Variants in SCAI observed in about 807,000 individuals in gnomAD.
SCAI encodes suppressor of cancer cell invasion.
SCAI carries 24 observed loss-of-function variants against 92.2 expected under a neutral mutation model. The observed-to-expected ratio is 0.26, with a 90% CI of 0.19 to 0.37. The LOEUF is 0.37. Among genes scored for constraint, SCAI ranks in the 10% least tolerant of loss-of-function variants. SCAI has a pLI of 1.00. For missense variants in SCAI, 450 were observed against 736.2 expected, an observed-to-expected ratio of 0.61 and a Z score of 4.50; for synonymous variants, 261 against 258.6, an observed-to-expected ratio of 1.01 and a Z score of -0.09.
intron 2 of SCAI, among the ~76,000 whole-genome samples, chr9:125,057,252 T>G (rs892018867): frequency 6.6e-6 from 1 of 151,982 alleles, no homozygotes; most frequent in Non-Finnish European, 1.5e-5. Flanking sequence ...AATATCAGAT[T>G]TGGGGTACTC....
intron 2 of SCAI, among the ~76,000 whole-genome samples, chr9:125,108,149 G>C (rs1834844445): frequency 6.6e-6 from 1 of 152,276 alleles, no homozygotes; most frequent in Non-Finnish European, 1.5e-5. Context: ...TGTTGCCCAG[G>C]CTGGAGTGCA....
intron 2 of SCAI, among the ~76,000 whole-genome samples, chr9:125,060,373 A>G (rs1338984543): frequency 6.6e-6 from 1 of 152,204 alleles, no homozygotes; most frequent in Non-Finnish European, 1.5e-5. Context: ...GTTTGTGGAG[A>G]TAATTCTCAG....
intron 12 of SCAI, among the ~76,000 whole-genome samples, chr9:125,001,236 G>A (rs1176126356): frequency 2.0e-5 from 3 of 152,220 alleles, no homozygotes; most frequent in African/African-American, 7.2e-5. Flanking sequence ...GCAAGGACAT[G>A]CATTTTATAA....
At chr9:125,138,744 T>A (rs1835601237) in intron 2 of SCAI, among the ~76,000 whole-genome samples, 1 of 152,116 alleles carries the variant, frequency 6.6e-6, no homozygotes, top group African/African-American at 2.4e-5. Context: ...AAATGGGGTT[T>A]CTCCATGTTG....
At chr9:124,959,491 CACATATATATACACATAT>C (rs1316111871) in intron 17 of SCAI, among the ~76,000 whole-genome samples, 1 of 147,866 alleles carries the variant, frequency 6.8e-6, no homozygotes, top group South Asian at 2.1e-4. Flanking sequence ...TATACACACA[CACATATATATACACATAT>C]ATATATATAC....
At chr9:125,131,528 C>G (rs1182821557) in intron 2 of SCAI, among the ~76,000 whole-genome samples, 1 of 152,098 alleles carries the variant, frequency 6.6e-6, no homozygotes, top group Non-Finnish European at 1.5e-5. Flanking sequence ...CCAGGAAGCC[C>G]TTGAATGAGT....
chr9:124,969,869 T>C (rs76989477), intron 17 of SCAI, among the ~76,000 whole-genome samples: 10 of 152,300 alleles, frequency 6.6e-5, no homozygotes, highest in East Asian at 1.9e-4. Flanking sequence ...TTTTTTTTTT[T>C]CCAAGACTGA....
chr9:125,036,899 G>A (rs1242934376), intron 3 of SCAI, among the ~76,000 whole-genome samples: 1 of 152,196 alleles, frequency 6.6e-6, no homozygotes, highest in Non-Finnish European at 1.5e-5. Flanking sequence ...GGCGGGAAGA[G>A]CACTTGAACC....
At chr9:125,002,755 AT>A (rs899611918) in intron 11 of SCAI, among the ~76,000 whole-genome samples, 4 of 151,922 alleles carry the variant, frequency 2.6e-5, no homozygotes, top group Non-Finnish European at 4.4e-5. Context: ...AAGTGCTGGG[AT>A]TACAGGAGTG....
At chr9:125,006,622 G>T (rs1832514138) in intron 9 of SCAI, among the ~76,000 whole-genome samples, 1 of 152,088 alleles carries the variant, frequency 6.6e-6, no homozygotes, top group South Asian at 2.1e-4. Context: ...CTCCTGAGTA[G>T]CTAGGACTAC....
intron 2 of SCAI, among the ~76,000 whole-genome samples, chr9:125,126,836 A>G (rs1348147947): frequency 1.3e-5 from 2 of 152,234 alleles, no homozygotes; most frequent in Non-Finnish European, 2.9e-5. Context: ...AAGTAGCCAG[A>G]TAAGTTATTA....
At chr9:125,051,106 T>C (rs1168041302) in intron 3 of SCAI, among the ~76,000 whole-genome samples, 1 of 152,192 alleles carries the variant, frequency 6.6e-6, no homozygotes, top group East Asian at 1.9e-4. Context: ...CACTGCAACA[T>C]CCGCCTCCCA....
intron 2 of SCAI, among the ~76,000 whole-genome samples, chr9:125,131,957 C>T (rs962715783): frequency 2.6e-5 from 4 of 152,194 alleles, no homozygotes; most frequent in African/African-American, 9.6e-5. Context: ...CAGAAATACC[C>T]TGCAGTGGAC....
chr9:125,005,118 A>T (rs1038283905), intron 9 of SCAI, among the ~76,000 whole-genome samples: 3 of 151,898 alleles, frequency 2.0e-5, no homozygotes, highest in Non-Finnish European at 2.9e-5. Flanking sequence ...AATTTCTTCC[A>T]TACATTTTGG....
At chr9:125,040,991 C>T (rs1436270799) in intron 3 of SCAI, among the ~76,000 whole-genome samples, 5 of 151,956 alleles carry the variant, frequency 3.3e-5, no homozygotes, top group Admixed American at 2.0e-4. Context: ...TGAATAGCTA[C>T]ACAATATGAA....
At chr9:125,039,382 T>C (rs1476374683) in intron 3 of SCAI, among the ~76,000 whole-genome samples, 1 of 112,630 alleles carries the variant, frequency 8.9e-6, no homozygotes, top group Non-Finnish European at 1.7e-5. Context: ...CGAGACTCCA[T>C]CTCAAAAAAA....
chr9:125,083,797 A>C (rs1199189537), intron 2 of SCAI, among the ~76,000 whole-genome samples: 1 of 152,196 alleles, frequency 6.6e-6, no homozygotes, highest in African/African-American at 2.4e-5. Context: ...CTGCTTTCAC[A>C]GAGTGTACTT....
At chr9:125,016,289 G>A (rs1390221043) in intron 9 of SCAI, among the ~76,000 whole-genome samples, 1 of 150,872 alleles carries the variant, frequency 6.6e-6, no homozygotes, top group Non-Finnish European at 1.5e-5. Flanking sequence ...TAGGAAGGCT[G>A]AGGCAGGAGA....
chr9:125,114,418 A>C (rs1283933293), intron 2 of SCAI, among the ~76,000 whole-genome samples: 1 of 152,174 alleles, frequency 6.6e-6, no homozygotes, highest in African/African-American at 2.4e-5. Context: ...AAAATTATAC[A>C]TCTAGTATAA....
Sources: gnomAD v4.1 joint callset for allele counts (sites outside exome capture counted in the v4.1 genomes callset) on GRCh38, gnomAD v4.1.1 for gene constraint, MANE v1.5 for transcripts, NCBI Gene and HGNC (gene_info 2026-07-23, HGNC 2026-07-21) for gene names.